Variants in KRT85 observed in about 807,000 individuals in gnomAD.
KRT85 encodes keratin, type II cuticular Hb5.
Under a neutral mutation model 53.7 loss-of-function variants are expected in KRT85, and 39 were observed. That is an observed-to-expected ratio of 0.73 (90% confidence interval 0.56 to 0.95). The LOEUF (loss-of-function observed/expected upper bound fraction) is 0.95. Among genes scored for constraint, KRT85 ranks in the 40% least tolerant of loss-of-function variants. The pLI is 0.00. For missense variants in KRT85, 668 were observed against 686.0 expected, an observed-to-expected ratio of 0.97 and a Z score of 0.29; for synonymous variants, 291 against 277.5, an observed-to-expected ratio of 1.05 and a Z score of -0.48.
At chr12:52,365,303 C>T (rs900181791) in intron 1 of KRT85, 133 bp from the exon 2 acceptor site, 8 of 968,364 alleles carry the variant, frequency 8.3e-6, no homozygotes, top group Middle Eastern at 3.0e-4. Flanking sequence ...CTCAAGGGGC[C>T]CATTCCCAGG....
chr12:52,367,124 G>A lies in KRT85; in HGVS notation c.282C>T (p.Cys94=), dbSNP rs1188934645. Residue 94 remains cysteine, a synonymous_variant, in exon 1 of 9, where the codon TGC becomes TGT. Coordinates refer to ENST00000257901, the MANE Select transcript of KRT85 (RefSeq NM_002283.4). ...TCTCGTTGACCGACACGGTAGTGAT[G>A]CATGGGGGGCTGGGTCCGCACACGC... ...SGGVCGPSPP[C]ITTVSVNESL... The A allele has an allele frequency of 3.7e-6, 6 of 1,613,446 alleles. No individual in the cohort carries two copies. The highest frequency in any genetic ancestry group is 5.1e-6 in the Non-Finnish European group (6 of 1,180,004).
At position 52,367,125 on chromosome 12, in the gene KRT85, C is replaced by A; in HGVS notation, c.281G>T (p.Cys94Phe). ...SGGVCGPSPP[C>F]ITTVSVNESL... ...CTCGTTGACCGACACGGTAGTGATG[C>A]ATGGGGGGCTGGGTCCGCACACGCC... Residue 94 changes from cysteine (C) to phenylalanine (F), a missense_variant, in exon 1 of 9, where the codon TGC (cysteine) becomes TTC (phenylalanine). This residue lies in a region of KRT85 where 158 missense variants were observed against 141.8 expected (regional missense o/e 1.11). Coordinates refer to ENST00000257901, the MANE Select transcript of KRT85 (RefSeq NM_002283.4). The A allele has an allele frequency of 6.2e-7, 1 of 1,613,442 alleles. No individual in the cohort carries two copies. The highest frequency in any genetic ancestry group is 1.1e-5 in the South Asian group (1 of 91,054).
At chr12:52,365,532 C>T (rs987022943) in intron 1 of KRT85, among the ~76,000 whole-genome samples, 17 of 152,188 alleles carry the variant, frequency 1.1e-4, no homozygotes, top group Non-Finnish European at 1.8e-4. Flanking sequence ...GTCCCTGACA[C>T]GTAGTAAATG....
Position 52,364,077 on chromosome 12 carries a change from G to C in KRT85, c.777C>G (p.Leu259=). Residue 259 remains leucine (L), a synonymous_variant, in exon 4 of 9, where the codon CTC becomes CTG. Coordinates refer to ENST00000257901, the MANE Select transcript of KRT85 (RefSeq NM_002283.4). The stretch of plus-strand genomic sequence containing the variant: ...GCAGTTGCCCCCTTACCTCTTCATA[G>C]AGGCGCCTCAGGAAGCTAGACTCCT... ...LVEESSFLRR[L]YEEEIRVLQA... is the part of the protein sequence containing the mutation. 1 of 1,613,578 alleles carries C rather than the reference G, an allele frequency of 6.2e-7. No individual in the cohort carries two copies. Among genetic ancestry groups the C allele is most frequent in the Non-Finnish European group, 8.5e-7 (1 of 1,179,908 alleles).
At position 52,364,082 on chromosome 12, in the gene KRT85, G is replaced by A. The variant is rs781569242; in HGVS notation, c.772C>T (p.Arg258Cys). 2.3e-5 allele frequency: 37 copies of A among 1,613,454 alleles called. No individual in the cohort carries two copies. In the African/African-American group the frequency reaches 2.7e-4, roughly 12 times the overall value. ...ALVEESSFLRRLYEEEIRVLQ... is the reference protein window; with the variant it reads ...ALVEESSFLRCLYEEEIRVLQ... ...TGCCCCCTTACCTCTTCATAGAGGC[G>A]CCTCAGGAAGCTAGACTCCTCCACC... Residue 258 changes from arginine (R) to cysteine (C), a missense_variant, in exon 4 of 9, where the codon CGC (arginine) becomes TGC (cysteine). Physicochemically the swap from Arg to Cys is radical, Grantham distance 180. Around this residue, in one of 3 missense-constraint regions of KRT85, gnomAD observed 488 missense variants for 498.1 expected, o/e 0.98. Coordinates refer to ENST00000257901, the MANE Select transcript of KRT85 (RefSeq NM_002283.4).
rs186503150 is a variant in KRT85 at position 52,360,268 on chromosome 12, C to T, written c.*585G>A. ...GGGCTGTAGGCAAAAGGATGCCCCA[C>T]GATAATGGGCTTCTCAACTGCGAGG... On this transcript the variant is annotated 3_prime_UTR_variant, in exon 9 of 9. Coordinates refer to ENST00000257901, the MANE Select transcript of KRT85 (RefSeq NM_002283.4). The T allele has an allele frequency of 6.2e-4, 105 of 169,560 alleles. No individual in the cohort carries two copies. Among genetic ancestry groups the T allele is most frequent in the Admixed American group, 1.6e-3 (29 of 17,880 alleles). 10.5% of individuals were successfully genotyped at this position (169,560 alleles called of 1,614,324 possible). A position where few individuals can be genotyped will look rare whatever the true frequency, so the allele number is the denominator to read the frequency against.
At position 52,360,553 on chromosome 12, in the gene KRT85, C is replaced by T; in HGVS notation, c.*300G>A. 2.3e-6 allele frequency: 1 copy of T among 436,478 alleles called. No individual in the cohort carries two copies. The highest frequency in any genetic ancestry group is 4.3e-6 in the Non-Finnish European group (1 of 234,166). The allele number at this position is 436,478 out of a possible 1,614,324, so 27.0% of individuals were successfully genotyped here. A position where few individuals can be genotyped will look rare whatever the true frequency, so the allele number is the denominator to read the frequency against. ...CACCACGCTGGGGGACTGGTCTTGT[C>T]CCTGAGAGCTGGGGGAATAATACAA... On this transcript the variant is annotated 3_prime_UTR_variant, in exon 9 of 9. Coordinates refer to ENST00000257901, the MANE Select transcript of KRT85 (RefSeq NM_002283.4).
chr12:52,362,853 C>A lies in KRT85; in HGVS notation c.1077+1G>T, dbSNP rs1203828489. The A allele has an allele frequency of 6.2e-7, 1 of 1,614,184 alleles. No homozygotes were observed. Among genetic ancestry groups the A allele is most frequent in the Non-Finnish European group, 8.5e-7 (1 of 1,180,044 alleles). On this transcript the variant is annotated splice_donor_variant, in intron 6 of 8. Transcript: ENST00000257901. LOFTEE classifies it high-confidence loss of function. The stretch of plus-strand genomic sequence containing the variant: ...GTATTTGAATCCTCCACAGACCCCA[C>A]CTGGCACTTGGCATTCTCAATCTCG...
At chr12:52,366,213 C>G (rs1019557475) in intron 1 of KRT85, among the ~76,000 whole-genome samples, 27 of 152,374 alleles carry the variant, frequency 1.8e-4, no homozygotes, top group African/African-American at 5.8e-4. Flanking sequence ...TTTCAGCCCT[C>G]TCTCATGAAG....
Position 52,366,921 on chromosome 12 carries a change from A to G in KRT85, c.420+65T>C, listed in dbSNP as rs529259360. On this transcript the variant is annotated intron_variant, in intron 1 of 8. Transcript: ENST00000257901. ...GGCAGCCATCCTGTCTCCTCAGCAGACTGGGACCTCCCCAAGGGAGGACAG... is the reference window on the plus strand; with the variant it reads ...GGCAGCCATCCTGTCTCCTCAGCAGGCTGGGACCTCCCCAAGGGAGGACAG... 1.0e-4 allele frequency: 169 copies of G among 1,613,544 alleles called. No homozygotes were observed. The African/African-American group carries it at 2.0e-3, about 19-fold the overall frequency.
chr12:52,364,862 T>C, intron 2 of KRT85, 100 bp downstream of exon 2: 1 of 1,600,948 alleles, frequency 6.2e-7, no homozygotes, highest in Non-Finnish European at 8.5e-7. Flanking sequence ...GGCAGCCTGC[T>C]AGAGGAATCT....
At chr12:52,361,567 G>A in intron 7 of KRT85, 69 bp from the exon 8 acceptor site, 1 of 1,397,810 alleles carries the variant, frequency 7.2e-7, no homozygotes, top group South Asian at 1.2e-5. Context: ...TGGTTGCTTG[G>A]GGACAGAGAG....
intron 4 of KRT85, 22 bp from the exon 5 acceptor site, chr12:52,363,432 C>A (rs1565768319): frequency 6.2e-7 from 1 of 1,614,088 alleles, no homozygotes; most frequent in Admixed American, 1.7e-5. Flanking sequence ...ACAGCCAGTG[C>A]ATTTGCTTCT....
intron 7 of KRT85, 100 bp downstream of exon 7, chr12:52,362,151 C>G: frequency 6.9e-7 from 1 of 1,441,126 alleles, no homozygotes; most frequent in Non-Finnish European, 9.7e-7. Flanking sequence ...ATTGTATTAG[C>G]CATGGCCAGA....
intron 1 of KRT85, among the ~76,000 whole-genome samples, chr12:52,366,154 C>A (rs138382284): frequency 6.6e-6 from 1 of 152,214 alleles, no homozygotes; most frequent in African/African-American, 2.4e-5. Flanking sequence ...CACACTCTGG[C>A]TGCATTAGGG....
At chr12:52,364,227 G>A in intron 3 of KRT85, 64 bp from the exon 4 acceptor site, 2 of 1,612,438 alleles carry the variant, frequency 1.2e-6, no homozygotes, top group Non-Finnish European at 1.7e-6. Flanking sequence ...GGTGCCTTTG[G>A]TCAGCATGGT....
rs764567551 is a variant in KRT85, at chr12:52,367,076, C to T, written c.330G>A (p.Leu110=). ...CGCACTGTGCGTTGGGGTCGATCTC[C>T]AGGTTGAGGGGCGTGAGGAGGCTCT... ...VNESLLTPLN[L]EIDPNAQCVK... Residue 110 remains leucine, a synonymous_variant, in exon 1 of 9, where the codon CTG becomes CTA. Coordinates refer to ENST00000257901, the MANE Select transcript of KRT85 (RefSeq NM_002283.4). 3.8e-5 allele frequency: 62 copies of T among 1,613,428 alleles called. No individual in the cohort carries two copies. Among genetic ancestry groups the T allele is most frequent in the Non-Finnish European group, 5.1e-5 (60 of 1,179,910 alleles).
intron 5 of KRT85, 55 bp from the exon 6 acceptor site, chr12:52,363,034 G>A (rs1309951907): frequency 1.9e-6 from 3 of 1,613,702 alleles, no homozygotes; most frequent in African/African-American, 1.3e-5. Flanking sequence ...CATCCATTCA[G>A]GACACCACAG....
chr12:52,360,873 G>T lies in KRT85; in HGVS notation c.1504C>A (p.Arg502=). ...CTCTACTAGGCAAAGCGGACCGACC[G>T]GCTACTCCCGCAGCTGAAGCTGGAG... is the stretch of plus-strand genomic sequence containing the variant. ...RSSSFSCGSS[R]SVRFA Residue 502 remains arginine, a synonymous_variant, in exon 9 of 9, where the codon CGG becomes AGG. Coordinates refer to ENST00000257901, the MANE Select transcript of KRT85 (RefSeq NM_002283.4). 1 of 1,612,250 alleles carries T rather than the reference G, an allele frequency of 6.2e-7. No individual in the cohort carries two copies. The highest frequency in any genetic ancestry group is 8.5e-7 in the Non-Finnish European group (1 of 1,180,014).
Sources: gnomAD v4.1 joint callset for allele counts (sites outside exome capture counted in the v4.1 genomes callset) on GRCh38, gnomAD v4.1.1 for gene constraint, gnomAD v4.1.1 regional missense constraint, MANE v1.5 for transcripts, NCBI Gene and HGNC (gene_info 2026-07-23, HGNC 2026-07-21) for gene names.